The following MYO10 variants were observed in gnomAD, a reference collection of about 807,000 sequenced individuals.
MYO10 encodes myosin X, also known as unconventional myosin-X.
MYO10 carries 133 observed loss-of-function variants against 257.3 expected under a neutral mutation model. The ratio of observed to expected loss-of-function variants is 0.52; its 90% CI spans 0.45 to 0.60. The LOEUF (loss-of-function observed/expected upper bound fraction) is 0.60, where lower values mean the gene tolerates loss of function less well. Ranked by LOEUF, MYO10 falls within the 20% of genes least tolerant of loss-of-function variation. The pLI is 0.00. For missense variants in MYO10, 2,399 were observed against 2,635.7 expected, an observed-to-expected ratio of 0.91 and a Z score of 1.97; for synonymous variants, 1,104 against 1,028.6, an observed-to-expected ratio of 1.07 and a Z score of -1.40.
chr5:16,783,647 C>A (rs1741490255), intron 4 of MYO10, among the ~76,000 whole-genome samples, 178 bp from the exon 5 acceptor site: 1 of 152,240 alleles, frequency 6.6e-6, no homozygotes, highest in Non-Finnish European at 1.5e-5. Flanking sequence ...CTTTCTCCTG[C>A]TGGCCACATT....
chr5:16,796,431 GAA>G (rs57430762), intron 3 of MYO10, among the ~76,000 whole-genome samples: 2 of 57,200 alleles, frequency 3.5e-5, no homozygotes, highest in African/African-American at 1.4e-4. Context: ...GAAAAAGAAA[GAA>G]AAGAAAGACA....
chr5:16,904,461 A>G (rs1295120255), intron 1 of MYO10, among the ~76,000 whole-genome samples: 1 of 152,188 alleles, frequency 6.6e-6, no homozygotes, highest in African/African-American at 2.4e-5. Flanking sequence ...TGTGACTATC[A>G]TCAAAAATGG....
At position 16,662,321 on chromosome 5, in the gene MYO10, T is replaced by G. The variant is rs979908453; in HGVS notation, c.*4371A>C. The G allele has an allele frequency of 1.0e-4, 6 of 60,272 alleles. No individual in the cohort carries two copies. Among genetic ancestry groups the G allele is most frequent in the African/African-American group, 4.1e-4 (6 of 14,618 alleles). The allele number at this position is 60,272 out of a possible 1,614,324, so 3.7% of individuals were successfully genotyped here. On this transcript the variant is annotated 3_prime_UTR_variant, in exon 41 of 41. Coordinates refer to ENST00000513610, the MANE Select transcript of MYO10 (RefSeq NM_012334.3). The stretch of plus-strand genomic sequence containing the variant: ...CTGTCTTAGATTTCTGAACTATTTT[T>G]TTTTTTTTTTTTTTTTTTTGGAGAC...
chr5:16,684,059 A>G, intron 29 of MYO10, 124 bp from the exon 30 acceptor site: 3 of 839,294 alleles, frequency 3.6e-6, no homozygotes, highest in Non-Finnish European at 5.8e-6. Context: ...TAACTTCAAA[A>G]TAATAGTTAT....
Position 16,665,649 on chromosome 5 carries a change from T to A in MYO10, c.*1043A>T, listed in dbSNP as rs1275086477. 6.6e-6 allele frequency: 1 copy of A among 152,408 alleles called. No homozygotes were observed. The highest frequency in any genetic ancestry group is 2.4e-5 in the African/African-American group (1 of 41,462). The allele number at this position is 152,408 out of a possible 1,614,324, so 9.4% of individuals were successfully genotyped here. A position where few individuals can be genotyped will look rare whatever the true frequency, so the allele number is the denominator to read the frequency against. On this transcript the variant is annotated 3_prime_UTR_variant, in exon 41 of 41. Coordinates refer to ENST00000513610, the MANE Select transcript of MYO10 (RefSeq NM_012334.3). ...CGTCTCTCCCCCATAGTCAACATGG[T>A]TATTATATCTGTAATCTATCCAGAA...
At chr5:16,826,557 C>T (rs1301769526) in intron 2 of MYO10, among the ~76,000 whole-genome samples, 1 of 152,188 alleles carries the variant, frequency 6.6e-6, no homozygotes, top group African/African-American at 2.4e-5. Flanking sequence ...AGAGAGAACA[C>T]ACTCTCCGGA....
intron 2 of MYO10, among the ~76,000 whole-genome samples, chr5:16,836,256 A>C (rs925279686): frequency 6.6e-6 from 1 of 152,192 alleles, no homozygotes; most frequent in Admixed American, 6.5e-5. Flanking sequence ...ATCAAAACAC[A>C]GTGTAAGGAC....
At chr5:16,875,912 AGCCTG>A (rs1744586737) in intron 2 of MYO10, among the ~76,000 whole-genome samples, 2 of 152,196 alleles carry the variant, frequency 1.3e-5, no homozygotes, top group South Asian at 4.1e-4. Context: ...GTTCAAGACC[AGCCTG>A]GCCAACATGG....
chr5:16,742,379 G>T, intron 19 of MYO10: 1 of 492,776 alleles, frequency 2.0e-6, no homozygotes, highest in Non-Finnish European at 2.6e-6. Flanking sequence ...TGCTTTAAAT[G>T]CTTCCTTTAC....
At chr5:16,823,645 T>G (rs1462857782) in intron 2 of MYO10, among the ~76,000 whole-genome samples, 1 of 150,574 alleles carries the variant, frequency 6.6e-6, no homozygotes. Context: ...CTCATTTTTT[T>G]TGTATTTTTA....
At chr5:16,809,445 C>T (rs935702654) in intron 3 of MYO10, among the ~76,000 whole-genome samples, 4 of 152,272 alleles carry the variant, frequency 2.6e-5, no homozygotes, top group Non-Finnish European at 5.9e-5. Context: ...GCAAGATTCC[C>T]AAACAGTCCA....
In MYO10 at chr5:16,924,672, T is replaced by G. The variant is rs927063763; in HGVS notation, c.21+11116A>C. ...CACAGGAAGAATGGGCAGACTACTC[T>G]TGGACCCTCACACCCCTGCACATCA... On this transcript the variant is annotated intron_variant, in intron 1 of 40. Transcript: ENST00000513610. Among the ~76,000 whole-genome samples the G allele has an allele frequency of 3.3e-5, 5 of 152,254 alleles. No individual in the cohort carries two copies. In the East Asian group the frequency reaches 9.6e-4, roughly 29 times the overall value.
chr5:16,872,530 C>A (rs1457298267), intron 2 of MYO10, among the ~76,000 whole-genome samples: 2 of 152,048 alleles, frequency 1.3e-5, no homozygotes, highest in Admixed American at 6.5e-5. Flanking sequence ...TGATTCTTAC[C>A]ATAATTTTTT....
chr5:16,687,419 C>T (rs949154458), intron 28 of MYO10, among the ~76,000 whole-genome samples: 1 of 151,040 alleles, frequency 6.6e-6, no homozygotes, highest in Non-Finnish European at 1.5e-5. Flanking sequence ...GACATGCATC[C>T]ATCTAGCATT....
intron 1 of MYO10, among the ~76,000 whole-genome samples, chr5:16,930,956 A>G (rs1429221875): frequency 6.6e-6 from 1 of 152,192 alleles, no homozygotes; most frequent in Non-Finnish European, 1.5e-5. Flanking sequence ...TCTAAGTCCA[A>G]ACTGTTGAAA....
intron 1 of MYO10, among the ~76,000 whole-genome samples, chr5:16,893,057 C>T (rs988605679): frequency 6.6e-6 from 1 of 151,692 alleles, no homozygotes; most frequent in South Asian, 2.1e-4. Context: ...ATTAGCCGGG[C>T]GTGGTGGCGG....
chr5:16,749,715 C>G lies in MYO10; in HGVS notation c.1929+5113G>C, dbSNP rs193012927. Among the ~76,000 whole-genome samples the G allele has an allele frequency of 2.0e-5, 3 of 152,256 alleles. No homozygotes were observed. The East Asian group carries it at 5.8e-4, about 29-fold the overall frequency. On this transcript the variant is annotated intron_variant, in intron 19 of 40. Coordinates refer to ENST00000513610, the MANE Select transcript of MYO10 (RefSeq NM_012334.3). ...GAATCTGCATCCTGGACACAGCAAA[C>G]CTAAAGACCAAACAGGGAGGAGAGC...
intron 3 of MYO10, among the ~76,000 whole-genome samples, chr5:16,795,157 A>G (rs1741900387): frequency 6.6e-6 from 1 of 152,188 alleles, no homozygotes; most frequent in Non-Finnish European, 1.5e-5. Context: ...AGGACTGGCC[A>G]GGTCCAGTCT....
chr5:16,876,462 A>G lies in MYO10; in HGVS notation c.120+1147T>C, dbSNP rs1469006218. ...AAGGTAGATAAATAGGCTCAGCTTC[A>G]GTGATTTAGTCAGTCTTCTTCTTAC... On this transcript the variant is annotated intron_variant, in intron 2 of 40. Coordinates refer to ENST00000513610, the MANE Select transcript of MYO10 (RefSeq NM_012334.3). 5.3e-5 allele frequency among the ~76,000 whole-genome samples: 8 copies of G among 152,214 alleles called. No individual in the cohort carries two copies. The East Asian group carries it at 1.5e-3, about 29-fold the overall frequency.
Sources: gnomAD v4.1 joint callset for allele counts (sites outside exome capture counted in the v4.1 genomes callset) on GRCh38, gnomAD v4.1.1 for gene constraint, MANE v1.5 for transcripts, NCBI Gene and HGNC (gene_info 2026-07-23, HGNC 2026-07-21) for gene names.